FAF1: variants seen among roughly 807,000 people sequenced by gnomAD.
FAF1 encodes the protein FAS-associated factor 1.
A neutral mutation model predicts 92.5 loss-of-function variants in FAF1; 25 were observed. The ratio of observed to expected loss-of-function variants is 0.27; its 90% CI spans 0.20 to 0.38. The LOEUF is 0.38. FAF1 is among the 10% of genes least tolerant of loss of function. FAF1 has a pLI of 1.00. For missense variants in FAF1, 636 were observed against 793.3 expected, an observed-to-expected ratio of 0.80 and a Z score of 2.38; for synonymous variants, 234 against 273.2, an observed-to-expected ratio of 0.86 and a Z score of 1.42.
intron 1 of FAF1, among the ~76,000 whole-genome samples, chr1:50,891,681 T>C (rs1644721377): frequency 6.6e-6 from 1 of 152,242 alleles, no homozygotes; most frequent in Non-Finnish European, 1.5e-5. Flanking sequence ...CGAATACTGC[T>C]GAACAGCAAA....
At chr1:50,696,625 T>A (rs1003170492) in intron 7 of FAF1, among the ~76,000 whole-genome samples, 2 of 152,234 alleles carry the variant, frequency 1.3e-5, no homozygotes, top group Non-Finnish European at 2.9e-5. Context: ...ACCATATATC[T>A]CTGGATACTA....
chr1:50,471,911 G>C (rs985747291), intron 18 of FAF1, among the ~76,000 whole-genome samples: 20 of 152,072 alleles, frequency 1.3e-4, no homozygotes, highest in African/African-American at 4.1e-4. Context: ...AGGGAAGAAT[G>C]GAAAGATGGA....
chr1:50,544,186 C>T (rs531955261), intron 13 of FAF1, among the ~76,000 whole-genome samples: 1 of 152,250 alleles, frequency 6.6e-6, no homozygotes, highest in East Asian at 1.9e-4. Context: ...ATATGAGTTT[C>T]GGTGGGGATG....
At chr1:50,487,753 T>C (rs1484786517) in intron 17 of FAF1, among the ~76,000 whole-genome samples, 1 of 152,214 alleles carries the variant, frequency 6.6e-6, no homozygotes, top group African/African-American at 2.4e-5. Context: ...ATATTGAAGA[T>C]AATCAAAACA....
At chr1:50,701,057 T>A (rs1476583794) in intron 7 of FAF1, among the ~76,000 whole-genome samples, 1 of 152,144 alleles carries the variant, frequency 6.6e-6, no homozygotes, top group Non-Finnish European at 1.5e-5. Flanking sequence ...TATATGCATA[T>A]TTAAAAGATG....
chr1:50,626,828 T>C (rs1179439214), intron 8 of FAF1, among the ~76,000 whole-genome samples: 2 of 152,144 alleles, frequency 1.3e-5, no homozygotes, highest in Non-Finnish European at 2.9e-5. Context: ...AAAGTTGGTA[T>C]CTTATATTGG....
intron 1 of FAF1, among the ~76,000 whole-genome samples, chr1:50,886,548 G>A (rs1644666691): frequency 1.3e-5 from 2 of 151,342 alleles, no homozygotes; most frequent in South Asian, 2.1e-4. Flanking sequence ...CCCACAACAG[G>A]CCCCGGTGTG....
chr1:50,585,557 G>T (rs1651186503), intron 9 of FAF1, among the ~76,000 whole-genome samples: 1 of 152,142 alleles, frequency 6.6e-6, no homozygotes, highest in South Asian at 2.1e-4. Context: ...GAAATACTGA[G>T]ATATAAAACT....
chr1:50,699,532 G>C (rs1569792018), intron 7 of FAF1, among the ~76,000 whole-genome samples: 1 of 151,898 alleles, frequency 6.6e-6, no homozygotes. Flanking sequence ...AAAAATGGTT[G>C]GCTCAAATAA....
At chr1:50,574,338 C>T (rs1650610209) in intron 12 of FAF1, among the ~76,000 whole-genome samples, 1 of 152,156 alleles carries the variant, frequency 6.6e-6, no homozygotes, top group Non-Finnish European at 1.5e-5. Flanking sequence ...GAGAAGCAGG[C>T]ATGCTCTTTG....
chr1:50,647,842 A>T (rs891332937), intron 8 of FAF1, among the ~76,000 whole-genome samples: 2 of 152,222 alleles, frequency 1.3e-5, no homozygotes, highest in Non-Finnish European at 2.9e-5. Context: ...GAAATGAAGG[A>T]AACAAATAAC....
intron 1 of FAF1, among the ~76,000 whole-genome samples, chr1:50,910,019 T>C (rs1644871843): frequency 6.6e-6 from 1 of 152,230 alleles, no homozygotes; most frequent in Non-Finnish European, 1.5e-5. Context: ...TGTTTTTATC[T>C]ACCTTTGGTC....
intron 4 of FAF1, among the ~76,000 whole-genome samples, chr1:50,760,628 T>C (rs1391564787): frequency 6.6e-6 from 1 of 152,064 alleles, no homozygotes; most frequent in Non-Finnish European, 1.5e-5. Flanking sequence ...AAAGATGTTG[T>C]TTGAAACCAA....
At chr1:50,773,990 A>G (rs1329123211) in intron 4 of FAF1, among the ~76,000 whole-genome samples, 1 of 152,186 alleles carries the variant, frequency 6.6e-6, no homozygotes, top group Admixed American at 6.5e-5. Flanking sequence ...ATTAAAGAAT[A>G]TTTCTAACGC....
intron 2 of FAF1, among the ~76,000 whole-genome samples, chr1:50,819,634 T>TGACTCACACACA (rs1553142939): frequency 1.2e-5 from 1 of 86,318 alleles, no homozygotes; most frequent in Non-Finnish European, 2.2e-5. Context: ...ACTGACTGAC[T>TGACTCACACACA]CACTCACACA....
intron 4 of FAF1, among the ~76,000 whole-genome samples, chr1:50,784,640 T>G (rs368916245): frequency 1.3e-5 from 2 of 152,282 alleles, no homozygotes; most frequent in African/African-American, 2.4e-5. Flanking sequence ...CAATGCAATC[T>G]CTATCAAAAG....
intron 1 of FAF1, among the ~76,000 whole-genome samples, chr1:50,899,402 A>T (rs527606797): frequency 6.6e-6 from 1 of 152,158 alleles, no homozygotes; most frequent in East Asian, 1.9e-4. Flanking sequence ...CATGCTTGGT[A>T]ATTTTTGATT....
chr1:50,533,646 A>G (rs1648309007), intron 15 of FAF1, among the ~76,000 whole-genome samples: 1 of 152,218 alleles, frequency 6.6e-6, no homozygotes, highest in Non-Finnish European at 1.5e-5. Context: ...CCTAAAGGAT[A>G]GTCTATTAAA....
rs960812916 is a variant in FAF1 at position 50,944,881 on chromosome 1, C to T, written c.45+14886G>A. Among the ~76,000 whole-genome samples the T allele has an allele frequency of 3.3e-5, 5 of 152,104 alleles. No individual in the cohort carries two copies. In the South Asian group the frequency reaches 1.0e-3, roughly 31 times the overall value. ...GGAATCCTGAATTCTCAAAATAGGGCTATATAACCTCCCACCCCTTCCATT... is the reference window on the plus strand; with the variant it reads ...GGAATCCTGAATTCTCAAAATAGGGTTATATAACCTCCCACCCCTTCCATT... On this transcript the variant is annotated intron_variant, in intron 1 of 18. Transcript: ENST00000396153.
Sources: gnomAD v4.1 joint callset for allele counts (sites outside exome capture counted in the v4.1 genomes callset) on GRCh38, gnomAD v4.1.1 for gene constraint, MANE v1.5 for transcripts, NCBI Gene and HGNC (gene_info 2026-07-23, HGNC 2026-07-21) for gene names.